UBAP2L: variants seen among roughly 807,000 people sequenced by gnomAD.
The protein encoded by UBAP2L is ubiquitin-associated protein 2-like.
A neutral mutation model predicts 130.6 loss-of-function variants in UBAP2L; 12 were observed. That is an observed-to-expected ratio of 0.09 (90% CI 0.06 to 0.15). The LOEUF is 0.15. Among genes scored for constraint, UBAP2L ranks in the 10% least tolerant of loss-of-function variants. The pLI is 1.00. For missense variants in UBAP2L, 965 were observed against 1,332.5 expected (o/e 0.72, Z 4.29); for synonymous variants, 503 against 524.7 (o/e 0.96, Z 0.57).
chr1:154,263,731 A>G (rs1682366526), intron 24 of UBAP2L, among the ~76,000 whole-genome samples: 1 of 152,206 alleles, frequency 6.6e-6, no homozygotes, highest in African/African-American at 2.4e-5. Flanking sequence ...CTGATTCTCC[A>G]TGCTTATGTT....
Position 154,270,770 on chromosome 1 carries a change from GTTT to G in UBAP2L, c.*489_*491del, listed in dbSNP as rs370017648. The G allele has an allele frequency of 1.2e-4, 114 of 922,420 alleles. No individual in the cohort carries two copies. The highest frequency in any genetic ancestry group is 7.1e-4 in the East Asian group (8 of 11,232). 57.1% of individuals were successfully genotyped at this position (922,420 alleles called of 1,614,324 possible). On this transcript the variant is annotated 3_prime_UTR_variant, in exon 27 of 27. Coordinates refer to ENST00000428931, the MANE Select transcript of UBAP2L (RefSeq NM_014847.4). ...AATTAGTTGAAGTGGTTTTTTTTTT[GTTT>G]TTTTTTTTTTTTTGTACTGTGTCCT... is the stretch of plus-strand genomic sequence containing the variant.
intron 22 of UBAP2L, among the ~76,000 whole-genome samples, chr1:154,260,678 GC>G (rs1200668326): frequency 1.3e-5 from 2 of 152,210 alleles, no homozygotes; most frequent in African/African-American, 4.8e-5. Flanking sequence ...CCATAGCATT[GC>G]ACAGTTATTC....
rs368773989 is a variant in UBAP2L, at chr1:154,237,096, G to A, written c.663G>A (p.Thr221=). 2.5e-6 allele frequency: 4 copies of A among 1,614,038 alleles called. No homozygotes were observed. Among genetic ancestry groups the A allele is most frequent in the Non-Finnish European group, 2.5e-6 (3 of 1,180,030 alleles). The change falls in exon 8 of 27, where the codon ACG becomes ACA. Residue 221 remains threonine (T), a synonymous_variant. Coordinates refer to ENST00000428931, the MANE Select transcript of UBAP2L (RefSeq NM_014847.4). ...ACTATGGCAATAGCAGCGGCAATACGTGGAACAACACTGGCCACTTTGAAC... is the reference window on the plus strand; with the variant it reads ...ACTATGGCAATAGCAGCGGCAATACATGGAACAACACTGGCCACTTTGAAC... ...DDNYGNSSGN[T]WNNTGHFEPD...
intron 2 of UBAP2L, among the ~76,000 whole-genome samples, chr1:154,226,850 T>G (rs1461301354): frequency 6.6e-6 from 1 of 152,028 alleles, no homozygotes; most frequent in Non-Finnish European, 1.5e-5. Context: ...TGAGGTGGAG[T>G]CTTGCTCTAT....
intron 11 of UBAP2L, among the ~76,000 whole-genome samples, chr1:154,248,045 G>T (rs752190086): frequency 6.6e-6 from 1 of 151,252 alleles, no homozygotes; most frequent in Non-Finnish European, 1.5e-5. Context: ...TTGGCTCACC[G>T]CAACCTCCAC....
intron 1 of UBAP2L, among the ~76,000 whole-genome samples, chr1:154,224,491 C>T (rs1271570025): frequency 6.6e-6 from 1 of 152,070 alleles, no homozygotes; most frequent in Non-Finnish European, 1.5e-5. Flanking sequence ...ACAAAAAACC[C>T]CCACAAACAC....
At chr1:154,243,012 CCTTG>C (rs1474918049) in intron 9 of UBAP2L, 2 of 407,504 alleles carry the variant, frequency 4.9e-6, no homozygotes, top group Non-Finnish European at 4.5e-6. Flanking sequence ...TTATTGGGTT[CCTTG>C]CTTCTACTCT....
In UBAP2L at chr1:154,253,893, C is replaced by T; in HGVS notation, c.1665-7C>T. 1.9e-6 allele frequency: 3 copies of T among 1,613,624 alleles called. No homozygotes were observed. Among genetic ancestry groups the T allele is most frequent in the Non-Finnish European group, 2.5e-6 (3 of 1,179,912 alleles). ...TTCTCTGAGATTTTTCTCTTCGTTA[C>T]TCACAGTGAATCATCCTCTACAATT... is the stretch of plus-strand genomic sequence containing the variant. On this transcript the variant is annotated splice_polypyrimidine_tract_variant and splice_region_variant and intron_variant, in intron 14 of 26. Transcript: ENST00000428931.
Position 154,270,775 on chromosome 1 carries a change from T to TTTG in UBAP2L, c.*482_*483insGTT. On this transcript the variant is annotated 3_prime_UTR_variant, in exon 27 of 27. Transcript: ENST00000428931. ...GTTGAAGTGGTTTTTTTTTTGTTTT[T>TTTG]TTTTTTTTTTTGTACTGTGTCCTCA... 8.2e-7 allele frequency: 1 copy of TTTG among 1,225,810 alleles called. No individual in the cohort carries two copies. The highest frequency in any genetic ancestry group is 1.0e-6 in the Non-Finnish European group (1 of 979,500). 75.9% of individuals were successfully genotyped at this position (1,225,810 alleles called of 1,614,324 possible). A position where few individuals can be genotyped will look rare whatever the true frequency, so the allele number is the denominator to read the frequency against.
At chr1:154,255,082 A>G in intron 16 of UBAP2L, 70 bp from the exon 17 acceptor site, 2 of 1,552,576 alleles carry the variant, frequency 1.3e-6, no homozygotes, top group South Asian at 2.3e-5. Flanking sequence ...ACTGCCTTGG[A>G]CTGTGGTCAC....
intron 15 of UBAP2L, chr1:154,254,513 C>T (rs527732838): frequency 2.1e-6 from 1 of 472,090 alleles, no homozygotes; most frequent in Admixed American, 4.1e-5. Flanking sequence ...GTTGTACTTA[C>T]CCTTCCCCAA....
At chr1:154,228,798 A>G in intron 4 of UBAP2L, 73 bp downstream of exon 4, 1 of 1,142,574 alleles carries the variant, frequency 8.8e-7, no homozygotes, top group Non-Finnish European at 1.3e-6. Flanking sequence ...AAAGTAGCAA[A>G]TGGCAACATA....
intron 4 of UBAP2L, among the ~76,000 whole-genome samples, chr1:154,231,590 C>A (rs941575023): frequency 6.6e-6 from 1 of 152,060 alleles, no homozygotes; most frequent in Admixed American, 6.6e-5. Context: ...TGTGAGCCAC[C>A]ATCCCCGGCC....
chr1:154,250,257 C>T (rs936201310), intron 12 of UBAP2L, among the ~76,000 whole-genome samples: 3 of 152,082 alleles, frequency 2.0e-5, no homozygotes, highest in South Asian at 2.1e-4. Flanking sequence ...GGGTTTTCAC[C>T]GTGTTGCCCA....
rs1012225521 is a variant in UBAP2L, at chr1:154,270,777, T to G, written c.*482T>G. ...TGAAGTGGTTTTTTTTTTGTTTTTT[T>G]TTTTTTTTTGTACTGTGTCCTCAAA... On this transcript the variant is annotated 3_prime_UTR_variant, in exon 27 of 27. Transcript: ENST00000428931. The G allele has an allele frequency of 1.1e-4, 134 of 1,246,792 alleles. 1 individual carries two copies. Among genetic ancestry groups the G allele is most frequent in the South Asian group, 3.4e-4 (14 of 41,132 alleles). The allele number at this position is 1,246,792 out of a possible 1,614,324, so 77.2% of individuals were successfully genotyped here.
chr1:154,269,739 T>C (rs1156707464), intron 26 of UBAP2L: 10 of 264,046 alleles, frequency 3.8e-5, no homozygotes, highest in Non-Finnish European at 7.5e-5. Flanking sequence ...GTGGTAGGGG[T>C]GGGGATCTGT....
intron 15 of UBAP2L, 41 bp downstream of exon 15, chr1:154,254,130 A>C (rs373416722): frequency 6.9e-7 from 1 of 1,452,440 alleles, no homozygotes; most frequent in Non-Finnish European, 9.1e-7. Context: ...TTAGGAGAAT[A>C]GTGGGCAAAA....
chr1:154,248,211 C>G (rs912472278), intron 11 of UBAP2L, among the ~76,000 whole-genome samples: 2 of 152,084 alleles, frequency 1.3e-5, no homozygotes, highest in African/African-American at 4.8e-5. Flanking sequence ...AGGTGAGCTG[C>G]CCGCCTCAGC....
At chr1:154,234,475 T>C (rs1438834057) in intron 4 of UBAP2L, 116 bp from the exon 5 acceptor site, 2 of 1,090,356 alleles carry the variant, frequency 1.8e-6, no homozygotes, top group African/African-American at 3.1e-5. Context: ...TGGAAGTGTT[T>C]TAGACATGGA....
Sources: gnomAD v4.1 joint callset for allele counts (sites outside exome capture counted in the v4.1 genomes callset) on GRCh38, gnomAD v4.1.1 for gene constraint, MANE v1.5 for transcripts, NCBI Gene and HGNC (gene_info 2026-07-23, HGNC 2026-07-21) for gene names.